The following SGCZ variants were observed in gnomAD, a reference collection of about 807,000 sequenced individuals.
The protein encoded by SGCZ is zeta-sarcoglycan.
In SGCZ, 40 loss-of-function variants were observed where a neutral mutation model predicts 41.3. That is an observed-to-expected ratio of 0.97 (90% CI 0.75 to 1.26). The LOEUF is 1.26. SGCZ is among the 50% of genes most tolerant of loss of function. SGCZ has a pLI of 0.00. For missense variants in SGCZ, 552 were observed against 369.8 expected (o/e 1.49, Z -4.04); for synonymous variants, 206 against 137.5 (o/e 1.50, Z -3.49).
chr8:15,066,494 A>T (rs1805154351), intron 1 of SGCZ, among the ~76,000 whole-genome samples: 1 of 152,154 alleles, frequency 6.6e-6, no homozygotes, highest in South Asian at 2.1e-4. Context: ...CTTTATATTT[A>T]AATTTTTATT....
intron 1 of SGCZ, among the ~76,000 whole-genome samples, chr8:14,994,859 A>G (rs1802158508): frequency 6.6e-6 from 1 of 152,194 alleles, no homozygotes; most frequent in Non-Finnish European, 1.5e-5. Context: ...TACTAGGCAT[A>G]TTGTGTTGAC....
chr8:15,007,670 G>C (rs1802654388), intron 1 of SGCZ, among the ~76,000 whole-genome samples: 1 of 152,112 alleles, frequency 6.6e-6, no homozygotes, highest in Non-Finnish European at 1.5e-5. Context: ...AATGGAAAAA[G>C]AACGCATTTA....
rs185271213 is a variant in SGCZ, at chr8:14,762,463, G to C, written c.40-207537C>G. Among the ~76,000 whole-genome samples, 4 of 152,234 alleles carry C rather than the reference G, an allele frequency of 2.6e-5. No homozygotes were observed. The East Asian group carries it at 7.7e-4, about 29-fold the overall frequency. On this transcript the variant is annotated intron_variant, in intron 1 of 7. Transcript: ENST00000382080. ...TTCCCACTTTACAGGTTTGCTGTGA[G>C]GTAAAGGGGTTAATTTATGTGAAGT...
At chr8:14,114,445 C>T (rs1464927836) in intron 5 of SGCZ, among the ~76,000 whole-genome samples, 1 of 151,730 alleles carries the variant, frequency 6.6e-6, no homozygotes, top group African/African-American at 2.4e-5. Flanking sequence ...AAAAAGAACA[C>T]CATATTGTTC....
rs189909068 is a variant in SGCZ, at chr8:14,931,152, A to C, written c.39+306433T>G. On this transcript the variant is annotated intron_variant, in intron 1 of 7. Transcript: ENST00000382080. ...TATTAGCTGCATAATTTCCTTCATC[A>C]TTTCAAATTAACTTTTACCAATTTC... Among the ~76,000 whole-genome samples, 44 of 152,106 alleles carry C rather than the reference A, an allele frequency of 2.9e-4. No individual in the cohort carries two copies. In the East Asian group the frequency reaches 8.3e-3, roughly 29 times the overall value.
At chr8:15,083,013 T>G (rs1215564218) in intron 1 of SGCZ, among the ~76,000 whole-genome samples, 1 of 151,878 alleles carries the variant, frequency 6.6e-6, no homozygotes, top group Admixed American at 6.6e-5. Context: ...ACAGACAAAT[T>G]TCTGCATGAA....
At chr8:14,484,574 G>A (rs1801622629) in intron 2 of SGCZ, among the ~76,000 whole-genome samples, 1 of 152,054 alleles carries the variant, frequency 6.6e-6, no homozygotes, top group Admixed American at 6.6e-5. Context: ...ATCCTGGTAT[G>A]GAAAAAGATA....
chr8:14,329,465 C>T (rs1375903226), intron 2 of SGCZ, among the ~76,000 whole-genome samples: 2 of 152,118 alleles, frequency 1.3e-5, no homozygotes, highest in African/African-American at 2.4e-5. Flanking sequence ...ATCAACTTCT[C>T]TTATTTTTAT....
chr8:14,944,113 G>A (rs1004472278), intron 1 of SGCZ, among the ~76,000 whole-genome samples: 1 of 152,048 alleles, frequency 6.6e-6, no homozygotes, highest in African/African-American at 2.4e-5. Context: ...GTCTAACTTA[G>A]CCATCCTCTC....
chr8:15,030,020 A>T (rs1803600728), intron 1 of SGCZ, among the ~76,000 whole-genome samples: 1 of 152,192 alleles, frequency 6.6e-6, no homozygotes, highest in South Asian at 2.1e-4. Context: ...TCTCTGTGCA[A>T]GGGACAAAAA....
chr8:14,521,682 G>A (rs1802793226), intron 2 of SGCZ, among the ~76,000 whole-genome samples: 1 of 152,094 alleles, frequency 6.6e-6, no homozygotes, highest in African/African-American at 2.4e-5. Flanking sequence ...TGAGTCATGT[G>A]ATAGTTAGAT....
intron 1 of SGCZ, among the ~76,000 whole-genome samples, chr8:14,940,259 A>T (rs1585396703): frequency 6.6e-6 from 1 of 152,176 alleles, no homozygotes; most frequent in East Asian, 1.9e-4. Flanking sequence ...GCCCACATTT[A>T]ACTATAGCTA....
chr8:14,370,788 T>C (rs1225011816), intron 2 of SGCZ, among the ~76,000 whole-genome samples: 1 of 151,914 alleles, frequency 6.6e-6, no homozygotes, highest in Non-Finnish European at 1.5e-5. Flanking sequence ...TAAGTATACA[T>C]AAAATCACTA....
chr8:14,250,271 A>T (rs185259393), intron 3 of SGCZ, among the ~76,000 whole-genome samples: 270 of 152,294 alleles, frequency 1.8e-3, no homozygotes, highest in Non-Finnish European at 2.5e-3. Flanking sequence ...TTGCAAAAAA[A>T]TTTTTGAACT....
chr8:15,045,092 T>C (rs1489754141), intron 1 of SGCZ, among the ~76,000 whole-genome samples: 1 of 151,942 alleles, frequency 6.6e-6, no homozygotes. Context: ...TATTTATTTA[T>C]TTATTTATTT....
At chr8:15,222,340 A>C (rs1427544977) in intron 1 of SGCZ, among the ~76,000 whole-genome samples, 2 of 152,170 alleles carry the variant, frequency 1.3e-5, no homozygotes, top group Admixed American at 6.5e-5. Context: ...TAAGTAGCCC[A>C]ACTCAAGAAG....
At chr8:14,598,667 A>G (rs1355632122) in intron 1 of SGCZ, among the ~76,000 whole-genome samples, 4 of 152,004 alleles carry the variant, frequency 2.6e-5, no homozygotes, top group Non-Finnish European at 5.9e-5. Context: ...AACTTGGACT[A>G]TAGGTGGGCC....
intron 1 of SGCZ, among the ~76,000 whole-genome samples, chr8:14,910,360 A>G (rs2130775775): frequency 6.6e-6 from 1 of 152,200 alleles, no homozygotes; most frequent in African/African-American, 2.4e-5. Flanking sequence ...ATACATAAGG[A>G]CACCAGGAAA....
At chr8:14,248,149 G>C (rs780166195) in intron 3 of SGCZ, among the ~76,000 whole-genome samples, 3 of 152,078 alleles carry the variant, frequency 2.0e-5, no homozygotes, top group Admixed American at 1.3e-4. Context: ...ACTCCCCAGT[G>C]GTGAGCTGGT....
Sources: allele counts gnomAD v4.1 joint callset (sites outside exome capture counted in the v4.1 genomes callset), GRCh38; gene constraint gnomAD v4.1.1; transcripts MANE v1.5; gene names NCBI Gene and HGNC (gene_info 2026-07-23, HGNC 2026-07-21).